Variants in DNM3 observed in about 807,000 individuals in gnomAD.
DNM3 encodes the protein dynamin 3.
A neutral mutation model predicts 101.6 loss-of-function variants in DNM3; 47 were observed. The ratio of observed to expected loss-of-function variants is 0.46; its 90% CI spans 0.37 to 0.59. The LOEUF is 0.59. Ranked by LOEUF, DNM3 falls within the 20% of genes least tolerant of loss-of-function variation. The pLI, the probability that DNM3 is intolerant of heterozygous loss-of-function variation, is 0.00. For missense variants in DNM3, 849 were observed against 1,085.7 expected, an observed-to-expected ratio of 0.78 and a Z score of 3.06; for synonymous variants, 385 against 387.9, an observed-to-expected ratio of 0.99 and a Z score of 0.09.
Position 172,411,991 on chromosome 1 carries a change from G to A in DNM3, c.*4150G>A, listed in dbSNP as rs1015208309. 1 of 985,568 alleles carries A rather than the reference G, an allele frequency of 1.0e-6. No homozygotes were observed. Among genetic ancestry groups the A allele is most frequent in the Non-Finnish European group, 1.2e-6 (1 of 829,852 alleles). The allele number at this position is 985,568 out of a possible 1,614,324, so 61.1% of individuals were successfully genotyped here. A position where few individuals can be genotyped will look rare whatever the true frequency, so the allele number is the denominator to read the frequency against. On this transcript the variant is annotated 3_prime_UTR_variant, in exon 21 of 21. Transcript: ENST00000627582. ...TTTAAAATTATGTGGTGCTGTGTAG[G>A]TGAAACTTTAAGAATATTTTTGAAG...
Position 172,285,412 on chromosome 1 carries a change from G to T in DNM3, c.1770-23316G>T, listed in dbSNP as rs552798676. Among the ~76,000 whole-genome samples the T allele has an allele frequency of 5.3e-5, 8 of 152,212 alleles. No homozygotes were observed. In the East Asian group the frequency reaches 1.2e-3, roughly 22 times the overall value. ...AATCTCACTGAATGTTAGCAGTGGG[G>T]TGCTGCAGAGTCTGAATGAAGGTGG... On this transcript the variant is annotated intron_variant, in intron 15 of 20. Transcript: ENST00000627582.
chr1:172,048,825 C>T, intron 10 of DNM3, 75 bp downstream of exon 10: 2 of 1,520,018 alleles, frequency 1.3e-6, no homozygotes, highest in Non-Finnish European at 1.8e-6. Flanking sequence ...GCATGATTCT[C>T]TTTCCCTGAC....
intron 14 of DNM3, 53 bp from the exon 15 acceptor site, chr1:172,253,516 TCTCC>T: frequency 9.1e-7 from 1 of 1,093,716 alleles, no homozygotes; most frequent in Non-Finnish European, 1.3e-6. Context: ...TCTCCTCTCC[TCTCC>T]TCTCCTCTCC....
chr1:172,228,638 T>G (rs949064323), intron 14 of DNM3, among the ~76,000 whole-genome samples: 1 of 152,156 alleles, frequency 6.6e-6, no homozygotes, highest in African/African-American at 2.4e-5. Flanking sequence ...TTCCAAAGTT[T>G]TTTTGCCTAA....
chr1:171,924,183 TG>T (rs1304245895), intron 2 of DNM3, among the ~76,000 whole-genome samples: 3 of 152,186 alleles, frequency 2.0e-5, no homozygotes, highest in Non-Finnish European at 4.4e-5. Flanking sequence ...TCTTTTCCTT[TG>T]GGTAGCTACC....
chr1:172,169,577 A>G (rs1391543552), intron 14 of DNM3, among the ~76,000 whole-genome samples: 1 of 151,962 alleles, frequency 6.6e-6, no homozygotes, highest in Admixed American at 6.6e-5. Context: ...AAAATATTGT[A>G]GTTAATATAA....
Position 171,921,740 on chromosome 1 carries a change from T to A in DNM3, c.162-8T>A, listed in dbSNP as rs1341313685. The A allele has an allele frequency of 6.3e-7, 1 of 1,575,338 alleles. No individual in the cohort carries two copies. The highest frequency in any genetic ancestry group is 2.3e-5 in the East Asian group (1 of 43,520). ...CATGCCTTAATCTGTATTTCTTACT[T>A]TTTTTAGGGACTTTCTCCCTCGAGG... On this transcript the variant is annotated splice_region_variant and splice_polypyrimidine_tract_variant and intron_variant, in intron 1 of 20. Coordinates refer to ENST00000627582, the MANE Select transcript of DNM3 (RefSeq NM_015569.5).
intron 1 of DNM3, among the ~76,000 whole-genome samples, chr1:171,878,111 C>T (rs541324585): frequency 7.6e-6 from 1 of 131,158 alleles, no homozygotes; most frequent in Non-Finnish European, 1.7e-5. Context: ...AAAAATATAA[C>T]ACATGAAATA....
rs1289156505 is a variant in DNM3, at chr1:172,145,320, G to GTCTC, written c.1659+14035_1659+14036insCTCT. ...TAAGTTTCTGTCTGTCTGTCTGTCTGTCTGTCTCTCTCTCTCTCTCTCTCT... is the reference window on the plus strand; with the variant it reads ...TAAGTTTCTGTCTGTCTGTCTGTCTGTCTCTCTGTCTCTCTCTCTCTCTCTCTCT... On this transcript the variant is annotated intron_variant, in intron 14 of 20. Coordinates refer to ENST00000627582, the MANE Select transcript of DNM3 (RefSeq NM_015569.5). Among the ~76,000 whole-genome samples, 148 of 149,060 alleles carry GTCTC rather than the reference G, an allele frequency of 9.9e-4. 1 individual carries two copies. Among genetic ancestry groups the GTCTC allele is most frequent in the African/African-American group, 3.3e-3 (132 of 39,490 alleles).
chr1:171,961,266 A>C (rs945386634), intron 2 of DNM3, among the ~76,000 whole-genome samples: 1 of 152,082 alleles, frequency 6.6e-6, no homozygotes, highest in Non-Finnish European at 1.5e-5. Context: ...CCTGGGTAGA[A>C]AGGAAGAGGT....
At chr1:172,066,719 T>C (rs947428704) in intron 10 of DNM3, among the ~76,000 whole-genome samples, 2 of 152,250 alleles carry the variant, frequency 1.3e-5, no homozygotes, top group Non-Finnish European at 2.9e-5. Flanking sequence ...AATAGTGTTG[T>C]AAATACTTTA....
chr1:172,298,859 AAGAG>A (rs36121139), intron 15 of DNM3, among the ~76,000 whole-genome samples: 80 of 149,016 alleles, frequency 5.4e-4, no homozygotes, highest in Non-Finnish European at 7.4e-4. Flanking sequence ...GAAAGAAAGA[AAGAG>A]AGAGAGAGAG....
chr1:172,082,232 A>T (rs1375041018), intron 12 of DNM3, among the ~76,000 whole-genome samples: 1 of 152,070 alleles, frequency 6.6e-6, no homozygotes, highest in African/African-American at 2.4e-5. Context: ...TAAAATTTTG[A>T]GGGGAACAGT....
chr1:171,980,669 C>G (rs1030738990), intron 2 of DNM3, among the ~76,000 whole-genome samples: 3 of 151,620 alleles, frequency 2.0e-5, no homozygotes, highest in African/African-American at 7.3e-5. Context: ...ATGAGATCAA[C>G]TTTTTTAGCT....
chr1:171,992,184 T>G (rs1337340516), intron 4 of DNM3, among the ~76,000 whole-genome samples: 21 of 152,214 alleles, frequency 1.4e-4, no homozygotes, highest in Non-Finnish European at 1.5e-5. Flanking sequence ...AACATATTCA[T>G]GCTATATTTT....
chr1:171,975,909 G>A (rs1218035827), intron 2 of DNM3, among the ~76,000 whole-genome samples: 1 of 152,180 alleles, frequency 6.6e-6, no homozygotes, highest in Non-Finnish European at 1.5e-5. Flanking sequence ...GCTGTACAGT[G>A]CTATAATTGT....
intron 14 of DNM3, among the ~76,000 whole-genome samples, chr1:172,251,071 T>C (rs1424485746): frequency 1.3e-5 from 2 of 152,152 alleles, no homozygotes; most frequent in Non-Finnish European, 2.9e-5. Flanking sequence ...ATCTTGCATT[T>C]CTAGCTAATC....
At chr1:172,294,895 G>A (rs1429626997) in intron 15 of DNM3, among the ~76,000 whole-genome samples, 1 of 139,862 alleles carries the variant, frequency 7.1e-6, no homozygotes. Context: ...CTGGGCAACA[G>A]AGCCAGACTT....
chr1:172,272,754 A>T (rs900243621), intron 15 of DNM3, among the ~76,000 whole-genome samples: 5 of 152,134 alleles, frequency 3.3e-5, no homozygotes, highest in Non-Finnish European at 7.4e-5. Context: ...TTAATTAGAC[A>T]AATTAACTCT....
Sources: gnomAD v4.1 joint callset for allele counts (sites outside exome capture counted in the v4.1 genomes callset) on GRCh38, gnomAD v4.1.1 for gene constraint, MANE v1.5 for transcripts, NCBI Gene and HGNC (gene_info 2026-07-23, HGNC 2026-07-21) for gene names.